TGFB2: variants seen among roughly 807,000 people sequenced by gnomAD.
TGFB2 encodes the protein transforming growth factor beta 2, also known as transforming growth factor beta-2 proprotein.
Under a neutral mutation model 42.7 loss-of-function variants are expected in TGFB2, and 13 were observed. The observed-to-expected ratio is 0.30, with a 90% CI of 0.20 to 0.48. The LOEUF (loss-of-function observed/expected upper bound fraction) is 0.48, where lower values mean the gene tolerates loss of function less well. TGFB2 is among the 20% of genes least tolerant of loss of function. The pLI is 0.99. For synonymous variants in TGFB2, 193 were observed against 193.6 expected, an observed-to-expected ratio of 1.00 and a Z score of 0.03; for missense variants, 390 against 517.5, an observed-to-expected ratio of 0.75 and a Z score of 2.39.
chr1:218,400,040 C>T (rs1054006062), intron 1 of TGFB2, among the ~76,000 whole-genome samples: 1 of 152,030 alleles, frequency 6.6e-6, no homozygotes, highest in Non-Finnish European at 1.5e-5. Context: ...CCTGTTGCCA[C>T]AAAACTAGGA....
intron 2 of TGFB2, among the ~76,000 whole-genome samples, chr1:218,430,317 C>A (rs1049913535): frequency 6.6e-6 from 1 of 151,898 alleles, no homozygotes; most frequent in Admixed American, 6.6e-5. Flanking sequence ...ATCACTTGAA[C>A]CCTGGAGGCG....
At chr1:218,417,764 T>A (rs1044309570) in intron 2 of TGFB2, among the ~76,000 whole-genome samples, 1 of 152,298 alleles carries the variant, frequency 6.6e-6, no homozygotes, top group South Asian at 2.1e-4. Context: ...GTGCCCTGCA[T>A]CCCAGCCACT....
intron 2 of TGFB2, among the ~76,000 whole-genome samples, chr1:218,413,286 T>A (rs990896913): frequency 2.0e-5 from 3 of 152,066 alleles, no homozygotes; most frequent in Non-Finnish European, 4.4e-5. Flanking sequence ...GGCAGGAGAA[T>A]CACTTGAACC....
intron 2 of TGFB2, among the ~76,000 whole-genome samples, chr1:218,427,129 T>A (rs1659649910): frequency 1.3e-5 from 2 of 152,142 alleles, no homozygotes; most frequent in South Asian, 2.1e-4. Flanking sequence ...AATATAAACA[T>A]TACAGTTTAA....
At chr1:218,407,120 C>G (rs1658939783) in intron 2 of TGFB2, among the ~76,000 whole-genome samples, 1 of 152,124 alleles carries the variant, frequency 6.6e-6, no homozygotes, top group Non-Finnish European at 1.5e-5. Flanking sequence ...TTTTTTGAGA[C>G]AGCATCTTGC....
intron 2 of TGFB2, among the ~76,000 whole-genome samples, chr1:218,431,207 C>T (rs569017786): frequency 6.6e-6 from 1 of 152,208 alleles, no homozygotes; most frequent in Admixed American, 6.5e-5. Context: ...GACCTTTCAC[C>T]CAAGTGAGAG....
intron 1 of TGFB2, among the ~76,000 whole-genome samples, chr1:218,391,870 T>C (rs921020798): frequency 3.3e-5 from 5 of 152,238 alleles, no homozygotes; most frequent in African/African-American, 1.2e-4. Flanking sequence ...AGGGGATAGA[T>C]AGTTCTACTC....
chr1:218,437,746 C>G (rs1028055593), intron 6 of TGFB2, among the ~76,000 whole-genome samples: 6 of 152,134 alleles, frequency 3.9e-5, no homozygotes, highest in Non-Finnish European at 8.8e-5. Flanking sequence ...GAAAGTGACA[C>G]TGATCGGTTA....
chr1:218,383,458 G>T (rs780352795), intron 1 of TGFB2, among the ~76,000 whole-genome samples: 1 of 151,850 alleles, frequency 6.6e-6, no homozygotes, highest in Non-Finnish European at 1.5e-5. Context: ...TAATAGGGCT[G>T]CTAATTTGCC....
At chr1:218,359,772 T>G (rs1459043788) in intron 1 of TGFB2, among the ~76,000 whole-genome samples, 2 of 152,226 alleles carry the variant, frequency 1.3e-5, no homozygotes, top group Non-Finnish European at 2.9e-5. Flanking sequence ...TGTTTGTTTG[T>G]GTGGAGAGGC....
chr1:218,435,761 A>G (rs1384740925), intron 4 of TGFB2, among the ~76,000 whole-genome samples: 1 of 152,216 alleles, frequency 6.6e-6, no homozygotes, highest in Non-Finnish European at 1.5e-5. Context: ...TTCTGACAAG[A>G]GCCCCATTTA....
intron 6 of TGFB2, among the ~76,000 whole-genome samples, chr1:218,439,456 T>C (rs1660085112): frequency 6.6e-6 from 1 of 152,194 alleles, no homozygotes; most frequent in Admixed American, 6.5e-5. Flanking sequence ...AGACAATCTG[T>C]ATTATAAAAA....
intron 2 of TGFB2, among the ~76,000 whole-genome samples, chr1:218,433,672 C>T (rs1391175199): frequency 6.6e-6 from 1 of 152,154 alleles, no homozygotes; most frequent in Non-Finnish European, 1.5e-5. Context: ...GTCCTCTGAA[C>T]TGGACTTCTC....
At chr1:218,434,503 C>T in intron 4 of TGFB2, 55 bp downstream of exon 4, 1 of 1,107,870 alleles carries the variant, frequency 9.0e-7, no homozygotes, top group Non-Finnish European at 1.4e-6. Flanking sequence ...TATTGATAAT[C>T]TCATGGGGGA....
At chr1:218,439,109 A>C (rs1660068236) in intron 6 of TGFB2, among the ~76,000 whole-genome samples, 2 of 26,356 alleles carry the variant, frequency 7.6e-5, no homozygotes, top group African/African-American at 8.5e-4. Context: ...TCCTGTCTCA[A>C]AAAAAAAAAA....
At chr1:218,417,978 G>A (rs1038395825) in intron 2 of TGFB2, among the ~76,000 whole-genome samples, 1 of 152,226 alleles carries the variant, frequency 6.6e-6, no homozygotes, top group Non-Finnish European at 1.5e-5. Context: ...TAGGGGCAGG[G>A]TCCTCATGGA....
chr1:218,371,895 G>A (rs1309753150), intron 1 of TGFB2, among the ~76,000 whole-genome samples: 1 of 152,168 alleles, frequency 6.6e-6, no homozygotes, highest in African/African-American at 2.4e-5. Flanking sequence ...TTAGTCTCTT[G>A]AGAATGACCC....
intron 1 of TGFB2, among the ~76,000 whole-genome samples, chr1:218,353,876 C>T (rs548639351): frequency 3.3e-5 from 5 of 152,176 alleles, no homozygotes; most frequent in Non-Finnish European, 7.3e-5. Context: ...GGCAACAGAG[C>T]GTGACCCTGT....
intron 2 of TGFB2, among the ~76,000 whole-genome samples, chr1:218,416,235 C>T (rs566898292): frequency 1.3e-5 from 2 of 152,182 alleles, no homozygotes; most frequent in African/African-American, 4.8e-5. Flanking sequence ...TCTCCCTGCT[C>T]CACCACCACA....
Sources: gnomAD v4.1 joint callset for allele counts (sites outside exome capture counted in the v4.1 genomes callset) on GRCh38, gnomAD v4.1.1 for gene constraint, MANE v1.5 for transcripts, NCBI Gene and HGNC (gene_info 2026-07-23, HGNC 2026-07-21) for gene names.